MEIS2: variants seen among roughly 807,000 people sequenced by gnomAD.
The protein encoded by MEIS2 is homeobox protein Meis2.
MEIS2 carries 9 observed loss-of-function variants against 58.6 expected under a neutral mutation model. That is an observed-to-expected ratio of 0.15 (90% CI 0.09 to 0.27). The LOEUF is 0.27. Ranked by LOEUF, MEIS2 falls within the 10% of genes least tolerant of loss-of-function variation. The pLI is 1.00. For synonymous variants in MEIS2, 221 were observed against 228.4 expected, an observed-to-expected ratio of 0.97 and a Z score of 0.29; for missense variants, 427 against 635.0, an observed-to-expected ratio of 0.67 and a Z score of 3.52.
intron 8 of MEIS2, among the ~76,000 whole-genome samples, chr15:36,952,629 G>C (rs1031024512): frequency 6.6e-5 from 10 of 151,586 alleles, no homozygotes; most frequent in East Asian, 3.9e-4. Context: ...GTGTGTGTGT[G>C]TGTGTGTGTG....
intron 7 of MEIS2, among the ~76,000 whole-genome samples, chr15:37,077,504 A>AT (rs145279580): frequency 0.023 from 3,430 of 152,238 alleles, 132 homozygotes; most frequent in African/African-American, 0.079. Flanking sequence ...GAAAGCACAC[A>AT]TATTCATTGT....
rs555280493 is a variant in MEIS2 at position 36,963,014 on chromosome 15, TATCTC to T, written c.901-12619_901-12615del. 3.3e-4 allele frequency among the ~76,000 whole-genome samples: 50 copies of T among 152,344 alleles called. 1 individual carries two copies. Among genetic ancestry groups the T allele is most frequent in the African/African-American group, 1.2e-3 (48 of 41,584 alleles). ...AGAGATTAATAGGAGGAATGAAAAT[TATCTC>T]AAAGAGATCAAAAGTGTGGATAGAA... On this transcript the variant is annotated intron_variant, in intron 8 of 11. Transcript: ENST00000561208.
At chr15:37,065,688 G>A (rs753648290) in intron 7 of MEIS2, among the ~76,000 whole-genome samples, 14 of 152,174 alleles carry the variant, frequency 9.2e-5, no homozygotes, top group Non-Finnish European at 1.6e-4. Flanking sequence ...GTGATTAAGC[G>A]GTGTTGGTGA....
intron 8 of MEIS2, among the ~76,000 whole-genome samples, chr15:36,984,121 T>C (rs559111021): frequency 6.6e-6 from 1 of 152,252 alleles, no homozygotes; most frequent in East Asian, 1.9e-4. Context: ...TCTTTTTGAT[T>C]TGAATCTCTT....
chr15:36,897,141 G>T (rs770834066), intron 9 of MEIS2: 3 of 162,686 alleles, frequency 1.8e-5, no homozygotes, highest in Non-Finnish European at 4.1e-5. Context: ...CCATCAATTA[G>T]GCTGTCTGAA....
intron 9 of MEIS2, among the ~76,000 whole-genome samples, chr15:36,916,482 A>C (rs1160982470): frequency 6.6e-6 from 1 of 151,292 alleles, no homozygotes; most frequent in African/African-American, 2.4e-5. Context: ...CCCAGGCTGA[A>C]GTGCAGTGGT....
chr15:37,013,121 A>T (rs558175761), intron 8 of MEIS2, among the ~76,000 whole-genome samples: 2 of 152,300 alleles, frequency 1.3e-5, no homozygotes, highest in South Asian at 4.1e-4. Flanking sequence ...GGCTTGGAAG[A>T]TTTCATGGAG....
intron 7 of MEIS2, among the ~76,000 whole-genome samples, chr15:37,061,727 T>G (rs1283649745): frequency 1.3e-5 from 2 of 152,110 alleles, no homozygotes; most frequent in Non-Finnish European, 2.9e-5. Context: ...ATTCTGGACT[T>G]TTGGGGAGAT....
chr15:37,100,744 T>C (rs1021622363), upstream of MEIS2: 1 of 149,118 alleles, frequency 6.7e-6, no homozygotes, highest in Non-Finnish European at 1.5e-5. Flanking sequence ...CGCGTGTGTG[T>C]TGCGCGCGCG....
At chr15:37,089,427 C>T (rs575507418) in intron 6 of MEIS2, among the ~76,000 whole-genome samples, 3 of 152,072 alleles carry the variant, frequency 2.0e-5, no homozygotes, top group African/African-American at 7.2e-5. Flanking sequence ...AGTCTCCTCT[C>T]TGACCTAACC....
At chr15:37,074,932 A>G (rs1596076982) in intron 7 of MEIS2, among the ~76,000 whole-genome samples, 1 of 152,160 alleles carries the variant, frequency 6.6e-6, no homozygotes, top group African/African-American at 2.4e-5. Context: ...TTGCATCACC[A>G]AAAATAATTA....
At chr15:36,993,454 G>A (rs1429472262) in intron 8 of MEIS2, among the ~76,000 whole-genome samples, 1 of 152,042 alleles carries the variant, frequency 6.6e-6, no homozygotes, top group African/African-American at 2.4e-5. Flanking sequence ...TAAAATGGAA[G>A]CATTTGTTTT....
chr15:37,055,277 C>T (rs911566593), intron 7 of MEIS2, among the ~76,000 whole-genome samples: 2 of 152,184 alleles, frequency 1.3e-5, no homozygotes, highest in Non-Finnish European at 2.9e-5. Context: ...CGACTATGAA[C>T]GTAAGCATCC....
At chr15:37,020,656 T>C (rs1323717338) in intron 8 of MEIS2, among the ~76,000 whole-genome samples, 1 of 150,766 alleles carries the variant, frequency 6.6e-6, no homozygotes, top group Non-Finnish European at 1.5e-5. Context: ...CTAATGGCAT[T>C]ACTCTTGGCA....
chr15:37,063,356 AC>A (rs1889499992), intron 7 of MEIS2, among the ~76,000 whole-genome samples: 1 of 152,174 alleles, frequency 6.6e-6, no homozygotes, highest in African/African-American at 2.4e-5. Flanking sequence ...TCATTTGACA[AC>A]TTTTCTTGCA....
intron 8 of MEIS2, among the ~76,000 whole-genome samples, chr15:37,001,003 C>T (rs1362336973): frequency 2.0e-5 from 3 of 152,160 alleles, no homozygotes; most frequent in Non-Finnish European, 2.9e-5. Flanking sequence ...GACTTCCTCA[C>T]GACCAAATTC....
intron 7 of MEIS2, among the ~76,000 whole-genome samples, chr15:37,082,658 G>C (rs954618278): frequency 6.6e-6 from 1 of 152,156 alleles, no homozygotes; most frequent in Non-Finnish European, 1.5e-5. Context: ...TTTGCCGTCT[G>C]ATATGATTCA....
At chr15:37,002,461 A>G (rs1223514939) in intron 8 of MEIS2, among the ~76,000 whole-genome samples, 7 of 151,946 alleles carry the variant, frequency 4.6e-5, no homozygotes, top group African/African-American at 1.7e-4. Flanking sequence ...TCTCTCCTAC[A>G]TGTGTTTAAA....
intron 7 of MEIS2, among the ~76,000 whole-genome samples, chr15:37,045,327 T>G (rs539015266): frequency 6.6e-6 from 1 of 152,184 alleles, no homozygotes; most frequent in Admixed American, 6.5e-5. Context: ...CTTTATGCCC[T>G]TTTCCTCTTA....
Sources: gnomAD v4.1 joint callset for allele counts (sites outside exome capture counted in the v4.1 genomes callset) on GRCh38, gnomAD v4.1.1 for gene constraint, MANE v1.5 for transcripts, NCBI Gene and HGNC (gene_info 2026-07-23, HGNC 2026-07-21) for gene names.